XYLB: variants seen among roughly 807,000 people sequenced by gnomAD.
The protein encoded by XYLB is xylulose kinase.
XYLB carries 62 observed loss-of-function variants against 78.7 expected under a neutral mutation model. That is an observed-to-expected ratio of 0.79 (90% CI 0.64 to 0.97). XYLB has a LOEUF of 0.97. XYLB is among the 50% of genes least tolerant of loss of function. The pLI is 0.00. For synonymous variants in XYLB, 245 were observed against 247.4 expected, an observed-to-expected ratio of 0.99 and a Z score of 0.09; for missense variants, 687 against 676.8, an observed-to-expected ratio of 1.02 and a Z score of -0.17.
intron 2 of XYLB, among the ~76,000 whole-genome samples, chr3:38,358,309 T>TTGTGTGTGTG (rs780269094): frequency 1.8e-4 from 10 of 54,918 alleles, no homozygotes; most frequent in African/African-American, 3.5e-4. Flanking sequence ...CAGTTTTGTT[T>TTGTGTGTGTG]TGTGTGTGTG....
intron 15 of XYLB, among the ~76,000 whole-genome samples, chr3:38,390,185 A>G (rs1707588335): frequency 6.6e-6 from 1 of 152,030 alleles, no homozygotes; most frequent in Non-Finnish European, 1.5e-5. Context: ...TATTAGATTA[A>G]GGTTTATTAT....
chr3:38,404,870 A>G (rs1708249817), intron 18 of XYLB, among the ~76,000 whole-genome samples: 1 of 152,178 alleles, frequency 6.6e-6, no homozygotes, highest in Non-Finnish European at 1.5e-5. Context: ...AAATTAAACC[A>G]AATTAAGAAG....
downstream of XYLB, among the ~76,000 whole-genome samples, chr3:38,415,374 G>A (rs560472801): frequency 6.6e-6 from 1 of 152,336 alleles, no homozygotes; most frequent in African/African-American, 2.4e-5. Context: ...GATGATTGGG[G>A]AAACTTGAGC....
At chr3:38,350,632 C>T (rs1490996217) in intron 2 of XYLB, among the ~76,000 whole-genome samples, 2 of 151,850 alleles carry the variant, frequency 1.3e-5, no homozygotes, top group Non-Finnish European at 2.9e-5. Flanking sequence ...GCTCTTTTTT[C>T]CCTAGTTTCC....
chr3:38,387,474 G>A (rs1018797969), intron 15 of XYLB, among the ~76,000 whole-genome samples: 11 of 152,050 alleles, frequency 7.2e-5, no homozygotes, highest in African/African-American at 2.7e-4. Context: ...GGGCTCAAGC[G>A]CTTCTCCTGC....
intron 9 of XYLB, among the ~76,000 whole-genome samples, chr3:38,371,475 C>T (rs948849371): frequency 1.3e-5 from 2 of 152,110 alleles, no homozygotes; most frequent in African/African-American, 2.4e-5. Flanking sequence ...GGGGTTTCAC[C>T]GTGTTAGCCA....
intron 15 of XYLB, among the ~76,000 whole-genome samples, chr3:38,384,265 C>T (rs1323264143): frequency 6.6e-6 from 1 of 152,128 alleles, no homozygotes; most frequent in African/African-American, 2.4e-5. Flanking sequence ...GGGGTTTCAC[C>T]GTGTTGGCCA....
At chr3:38,375,622 G>A (rs928426704) in intron 12 of XYLB, among the ~76,000 whole-genome samples, 5 of 152,162 alleles carry the variant, frequency 3.3e-5, no homozygotes, top group Admixed American at 6.5e-5. Flanking sequence ...CGTCTGGCAT[G>A]TGGTGGACCC....
At chr3:38,353,922 A>G (rs959308153) in intron 2 of XYLB, among the ~76,000 whole-genome samples, 2 of 148,982 alleles carry the variant, frequency 1.3e-5, no homozygotes, top group African/African-American at 4.9e-5. Flanking sequence ...CTTTACCTCC[A>G]TGATTTGAGA....
Position 38,412,971 on chromosome 3 carries a change from C to T in XYLB, c.1569C>T (p.Leu523=), listed in dbSNP as rs766160774. The change falls in exon 19 of 19, where the codon CTC becomes CTT. Residue 523 remains leucine (L), a synonymous_variant. Coordinates refer to ENST00000207870, the MANE Select transcript of XYLB (RefSeq NM_005108.4). ...YEALLPQYAK[L]EQRILSQTRG... ...CCCTTCTCCCCCAGTATGCCAAACT[C>T]GAGCAGAGAATCTTGTCTCAGACCC... The T allele has an allele frequency of 5.6e-6, 9 of 1,605,662 alleles. No individual in the cohort carries two copies. Among genetic ancestry groups the T allele is most frequent in the African/African-American group, 4.0e-5 (3 of 74,278 alleles).
At chr3:38,386,598 C>G (rs1226087032) in intron 15 of XYLB, among the ~76,000 whole-genome samples, 1 of 151,384 alleles carries the variant, frequency 6.6e-6, no homozygotes, top group Non-Finnish European at 1.5e-5. Context: ...GTCTAGTATT[C>G]CATTTTATCT....
the XYLB span, among the ~76,000 whole-genome samples, chr3:38,429,193 A>G: frequency 6.6e-6 from 1 of 152,244 alleles, no homozygotes; most frequent in African/African-American, 2.4e-5. Flanking sequence ...GGCCAAGGCT[A>G]TTATTGGACT....
chr3:38,389,696 G>A (rs1226621575), intron 15 of XYLB, among the ~76,000 whole-genome samples: 2 of 152,158 alleles, frequency 1.3e-5, no homozygotes, highest in Non-Finnish European at 2.9e-5. Context: ...TTGGGATCAG[G>A]ATCAGCAGGA....
intron 10 of XYLB, among the ~76,000 whole-genome samples, chr3:38,373,811 C>T (rs1469023994): frequency 6.6e-6 from 1 of 152,128 alleles, no homozygotes; most frequent in African/African-American, 2.4e-5. Flanking sequence ...TATTATGTGC[C>T]AGGCCTTCCT....
intron 2 of XYLB, among the ~76,000 whole-genome samples, chr3:38,357,942 C>T (rs1705753312): frequency 1.3e-5 from 2 of 151,114 alleles, no homozygotes; most frequent in African/African-American, 4.9e-5. Context: ...GAAACAAGTC[C>T]CTTGTTAGAT....
chr3:38,442,434 T>G, the XYLB span, among the ~76,000 whole-genome samples: 13 of 152,034 alleles, frequency 8.6e-5, no homozygotes, highest in African/African-American at 3.1e-4. Context: ...CCTAAACCCT[T>G]GGGGCAAGAC....
At chr3:38,360,551 A>C in intron 3 of XYLB, 143 bp downstream of exon 3, 1 of 699,884 alleles carries the variant, frequency 1.4e-6, no homozygotes, top group Non-Finnish European at 2.3e-6. Context: ...AGTTGGCATG[A>C]CTCCTGGGAT....
chr3:38,409,686 A>G (rs1170206200), intron 18 of XYLB, among the ~76,000 whole-genome samples: 2 of 152,368 alleles, frequency 1.3e-5, no homozygotes, highest in East Asian at 3.9e-4. Context: ...AACTTCAGCA[A>G]AGTCTCAGGA....
intron 11 of XYLB, 49 bp from the exon 12 acceptor site, chr3:38,375,095 C>T (rs374939738): frequency 4.4e-5 from 65 of 1,475,842 alleles, no homozygotes; most frequent in Non-Finnish European, 5.7e-5. Context: ...CAGAGGGCAG[C>T]GTGTGTGGGC....
Sources: allele counts gnomAD v4.1 joint callset (sites outside exome capture counted in the v4.1 genomes callset), GRCh38; gene constraint gnomAD v4.1.1; transcripts MANE v1.5; gene names NCBI Gene and HGNC (gene_info 2026-07-23, HGNC 2026-07-21).